The following KCNMA1 variants were observed in gnomAD, a reference collection of about 807,000 sequenced individuals.
KCNMA1 encodes Calcium-activated potassium channel subunit alpha-1.
KCNMA1 carries 29 observed loss-of-function variants against 140.0 expected under a neutral mutation model. The ratio of observed to expected loss-of-function variants is 0.21; its 90% CI spans 0.15 to 0.28. KCNMA1 has a LOEUF of 0.28. Among genes scored for constraint, KCNMA1 ranks in the 10% least tolerant of loss-of-function variants. The pLI, the probability that KCNMA1 is intolerant of heterozygous loss-of-function variation, is 1.00. For synonymous variants in KCNMA1, 612 were observed against 611.9 expected (o/e 1.00, Z 0.00); for missense variants, 880 against 1,602.2 (o/e 0.55, Z 7.70).
chr10:77,220,512 G>A (rs1369194693), intron 3 of KCNMA1, among the ~76,000 whole-genome samples: 2 of 152,172 alleles, frequency 1.3e-5, no homozygotes, highest in East Asian at 3.8e-4. Flanking sequence ...TTAAATGTCA[G>A]GAGATTTTAA....
intron 2 of KCNMA1, among the ~76,000 whole-genome samples, chr10:77,289,513 C>G (rs1679173768): frequency 1.3e-5 from 2 of 152,194 alleles, no homozygotes; most frequent in South Asian, 4.1e-4. Flanking sequence ...TCCCTATCAC[C>G]AACTTCTCTT....
intron 5 of KCNMA1, among the ~76,000 whole-genome samples, chr10:77,155,557 C>G (rs533293131): frequency 2.0e-5 from 3 of 152,272 alleles, no homozygotes; most frequent in African/African-American, 4.8e-5. Context: ...TCCCTGGAAG[C>G]ACGCTCAGCC....
chr10:76,882,086 G>A (rs1327390908), downstream of KCNMA1, among the ~76,000 whole-genome samples: 1 of 152,168 alleles, frequency 6.6e-6, no homozygotes. Flanking sequence ...GCTCTTGCAG[G>A]GAAGGGCCCC....
chr10:77,073,109 C>T lies in KCNMA1; in HGVS notation c.1737G>A (p.Arg579=), dbSNP rs76141718. 778 of 1,614,148 alleles carry T rather than the reference C, an allele frequency of 4.8e-4. No homozygotes were observed. The highest frequency in any genetic ancestry group is 6.1e-4 in the Non-Finnish European group (722 of 1,180,006). Residue 579 remains arginine (R), a synonymous_variant, in exon 14 of 28, where the codon AGG becomes AGA. Coordinates refer to ENST00000286628, the MANE Select transcript of KCNMA1 (RefSeq NM_001161352.2). ...GACGAGACGTTACCTTTATGAATGA[C>T]CTCATGGAGAAGAGGTTGGCAAGCA... The part of the protein sequence containing the change: ...STMLANLFSM[R]SFIKIEEDTW...
intron 5 of KCNMA1, among the ~76,000 whole-genome samples, chr10:77,136,638 A>T (rs1441945457): frequency 2.0e-5 from 3 of 151,962 alleles, no homozygotes; most frequent in Non-Finnish European, 4.4e-5. Context: ...GGTCCCTATG[A>T]TAAAACTATG....
At chr10:77,375,485 CTG>C (rs2095033074) in intron 2 of KCNMA1, among the ~76,000 whole-genome samples, 1 of 152,200 alleles carries the variant, frequency 6.6e-6, no homozygotes, top group Non-Finnish European at 1.5e-5. Flanking sequence ...TGGTGCCTGC[CTG>C]GGGCTACCAA....
chr10:77,192,602 C>T (rs1190618695), intron 3 of KCNMA1, among the ~76,000 whole-genome samples: 2 of 152,096 alleles, frequency 1.3e-5, no homozygotes, highest in Non-Finnish European at 2.9e-5. Context: ...GATAAGGTTA[C>T]GAATTCCCAA....
chr10:76,958,386 CT>C (rs1338742935), intron 20 of KCNMA1, among the ~76,000 whole-genome samples: 1 of 152,196 alleles, frequency 6.6e-6, no homozygotes, highest in Non-Finnish European at 1.5e-5. Flanking sequence ...TCAAGGCTCA[CT>C]TGTCACTTGC....
intron 3 of KCNMA1, among the ~76,000 whole-genome samples, chr10:77,229,964 AG>A (rs1166997902): frequency 6.6e-6 from 1 of 152,240 alleles, no homozygotes; most frequent in Non-Finnish European, 1.5e-5. Flanking sequence ...AATTGAAAAC[AG>A]GAATTCAAAC....
chr10:76,885,851 C>T lies in KCNMA1; in HGVS notation c.*1415G>A, dbSNP rs1479693189. ...ACTAAGTGTTAAAAAAGAAAGAAAA[C>T]AAAAGAAGAAAAAAATAACTATACC... is the stretch of plus-strand genomic sequence containing the variant. On this transcript the variant is annotated 3_prime_UTR_variant, in exon 28 of 28. Coordinates refer to ENST00000286628, the MANE Select transcript of KCNMA1 (RefSeq NM_001161352.2). 2.0e-6 allele frequency: 2 copies of T among 984,916 alleles called. No individual in the cohort carries two copies. The highest frequency in any genetic ancestry group is 1.7e-5 in the African/African-American group (1 of 57,196). The allele number at this position is 984,916 out of a possible 1,614,324, so 61.0% of individuals were successfully genotyped here.
At chr10:77,425,917 G>A (rs142453076) in intron 1 of KCNMA1, among the ~76,000 whole-genome samples, 1,784 of 152,252 alleles carry the variant, frequency 0.012, 15 homozygotes, top group Non-Finnish European at 0.013. Context: ...CTGAGGCTGA[G>A]AGAGGATAAG....
chr10:77,554,834 C>T (rs921942260), intron 1 of KCNMA1, among the ~76,000 whole-genome samples: 2 of 152,084 alleles, frequency 1.3e-5, no homozygotes, highest in Non-Finnish European at 2.9e-5. Flanking sequence ...ACCATTACGG[C>T]CCATTTTCTC....
chr10:77,490,514 T>C (rs1333081596), intron 1 of KCNMA1, among the ~76,000 whole-genome samples: 2 of 152,234 alleles, frequency 1.3e-5, no homozygotes, highest in African/African-American at 4.8e-5. Flanking sequence ...AAACAGTTTT[T>C]GCTAGTTTAA....
chr10:76,907,491 A>G (rs2048275771), intron 25 of KCNMA1, among the ~76,000 whole-genome samples: 1 of 152,082 alleles, frequency 6.6e-6, no homozygotes, highest in African/African-American at 2.4e-5. Context: ...TGTTCAGCCT[A>G]TGTGGTTGCA....
intron 2 of KCNMA1, among the ~76,000 whole-genome samples, chr10:77,292,755 C>T (rs1291774568): frequency 6.6e-6 from 1 of 152,200 alleles, no homozygotes; most frequent in African/African-American, 2.4e-5. Flanking sequence ...TCTTGAGCCA[C>T]TTTGTTTTCC....
intron 11 of KCNMA1, 82 bp downstream of exon 11, chr10:77,086,406 T>A: frequency 1.0e-6 from 1 of 1,000,894 alleles, no homozygotes; most frequent in South Asian, 1.3e-5. Context: ...CTAGGAGGTG[T>A]GTCCCCTCAG....
intron 1 of KCNMA1, among the ~76,000 whole-genome samples, chr10:77,563,062 C>CAAAAAAAA (rs35283320): frequency 1.4e-5 from 2 of 147,886 alleles, no homozygotes. Flanking sequence ...GAGACTTGAG[C>CAAAAAAAA]AAAAAAAAAA....
At chr10:77,044,840 TCA>T (rs1321497925) in intron 14 of KCNMA1, among the ~76,000 whole-genome samples, 1 of 152,160 alleles carries the variant, frequency 6.6e-6, no homozygotes, top group Non-Finnish European at 1.5e-5. Flanking sequence ...GATTCAGAGT[TCA>T]CACTCTTAAC....
intron 18 of KCNMA1, chr10:77,008,163 G>T (rs1402034238): frequency 6.5e-7 from 1 of 1,534,088 alleles, no homozygotes; most frequent in Admixed American, 2.0e-5. Context: ...ACTCCGGGCT[G>T]CTGGGAACCC....
Sources: allele counts gnomAD v4.1 joint callset (sites outside exome capture counted in the v4.1 genomes callset), GRCh38; gene constraint gnomAD v4.1.1; transcripts MANE v1.5; gene names NCBI Gene and HGNC (gene_info 2026-07-23, HGNC 2026-07-21).